The following TLE2 variants were observed in gnomAD, a reference collection of about 807,000 sequenced individuals.
The protein encoded by TLE2 is TLE family member 2, transcriptional corepressor, also known as transducin-like enhancer protein 2.
A neutral mutation model predicts 97.2 loss-of-function variants in TLE2; 74 were observed. The ratio of observed to expected loss-of-function variants is 0.76; its 90% CI spans 0.63 to 0.92. The LOEUF is 0.92. Ranked by LOEUF, TLE2 falls within the 40% of genes least tolerant of loss-of-function variation. The pLI is 0.00. For missense variants in TLE2, 1,038 were observed against 1,008.7 expected (o/e 1.03, Z -0.39); for synonymous variants, 499 against 432.1 (o/e 1.15, Z -1.92).
intron 4 of TLE2, among the ~76,000 whole-genome samples, chr19:3,026,847 A>C (rs1186997204): frequency 1.3e-5 from 2 of 151,880 alleles, no homozygotes; most frequent in African/African-American, 4.8e-5. Context: ...CTATCTCAGA[A>C]CCTTGAGGTC....
chr19:3,016,265 CTATAAT>C (rs1024187453), intron 8 of TLE2, among the ~76,000 whole-genome samples: 1 of 150,034 alleles, frequency 6.7e-6, no homozygotes, highest in Non-Finnish European at 1.5e-5. Flanking sequence ...TCTCTGACAT[CTATAAT>C]TATTTCAAAA....
At position 3,014,627 on chromosome 19, in the gene TLE2, G is replaced by A. The variant is rs928649195; in HGVS notation, c.679-13C>T. The A allele has an allele frequency of 3.8e-6, 6 of 1,589,076 alleles. No individual in the cohort carries two copies. The African/African-American group carries it at 6.8e-5, about 18-fold the overall frequency. ...CTTCGTCGCTTTCCTGGGGGAAGATGGGGGAGAGAGCTCATTGTGGTCATG... is the reference window on the plus strand; with the variant it reads ...CTTCGTCGCTTTCCTGGGGGAAGATAGGGGAGAGAGCTCATTGTGGTCATG... On this transcript the variant is annotated splice_polypyrimidine_tract_variant and intron_variant, in intron 9 of 19. Transcript: ENST00000262953.
chr19:3,014,308 G>C (rs956310908), intron 10 of TLE2, among the ~76,000 whole-genome samples: 1 of 152,146 alleles, frequency 6.6e-6, no homozygotes, highest in Non-Finnish European at 1.5e-5. Context: ...CCATTGAACA[G>C]ATGGGGAAAA....
At chr19:3,001,793 T>TTTCTTTC (rs2089368215) in intron 18 of TLE2, among the ~76,000 whole-genome samples, 3 of 32,378 alleles carry the variant, frequency 9.3e-5, no homozygotes, top group South Asian at 1.5e-3. Flanking sequence ...TTTTCTTTCT[T>TTTCTTTC]TTTTTTTTTT....
In TLE2 at chr19:3,005,709, C is replaced by A. The variant is rs1310451880; in HGVS notation, c.1748+12G>T. ...GGGGCTTGCCCAAGGTCCCAGCGCA[C>A]CTGCCACCCACCTGACCATAGTCTG... is the stretch of plus-strand genomic sequence containing the variant. On this transcript the variant is annotated intron_variant, in intron 16 of 19. Transcript: ENST00000262953. The A allele has an allele frequency of 7.4e-6, 12 of 1,610,988 alleles. No homozygotes were observed. The highest frequency in any genetic ancestry group is 2.7e-5 in the African/African-American group (2 of 74,856).
Position 3,029,116 on chromosome 19 carries a change from C to A in TLE2, c.-212G>T. ...GGGAGCCCCTCCCCGGGTTGGGGTG[C>A]GCGGGGCGAGCGGGGCGGGCAGGGG... On this transcript the variant is annotated 5_prime_UTR_variant, in exon 1 of 20. Coordinates refer to ENST00000262953, the MANE Select transcript of TLE2 (RefSeq NM_003260.5). 1.7e-6 allele frequency: 2 copies of A among 1,159,546 alleles called. No individual in the cohort carries two copies. Among genetic ancestry groups the A allele is most frequent in the African/African-American group, 1.6e-5 (1 of 61,342 alleles). 71.8% of individuals were successfully genotyped at this position (1,159,546 alleles called of 1,614,324 possible).
intron 1 of TLE2, among the ~76,000 whole-genome samples, chr19:3,037,253 C>G (rs2090069622): frequency 6.6e-6 from 1 of 152,200 alleles, no homozygotes; most frequent in Admixed American, 6.5e-5. Context: ...CCACTGCACT[C>G]TAGCCTGGAC....
At chr19:3,021,410 A>G (rs561058612) in intron 5 of TLE2, among the ~76,000 whole-genome samples, 60 of 152,148 alleles carry the variant, frequency 3.9e-4, no homozygotes, top group African/African-American at 6.7e-4. Flanking sequence ...TCTCAAAAAA[A>G]AAAGAAAGAA....
rs2145228170 is a variant in TLE2, at chr19:3,037,506, T to G, written c.63+8220A>C. Reference sequence around the variant, plus strand: ...GCTTTGCTGTGTGGATCTGGGAACATCCCCCAGCTGTGAAGTGTCGGGGAG... The same window carrying G: ...GCTTTGCTGTGTGGATCTGGGAACAGCCCCCAGCTGTGAAGTGTCGGGGAG... On this transcript the variant is annotated intron_variant, in intron 1 of 18. Transcript: ENST00000426948. Among the ~76,000 whole-genome samples, 2 of 151,670 alleles carry G rather than the reference T, an allele frequency of 1.3e-5. 1 individual carries two copies. Among genetic ancestry groups the G allele is most frequent in the East Asian group, 3.9e-4 (2 of 5,120 alleles).
At chr19:2,999,370 T>A (rs1288650007) in intron 19 of TLE2, among the ~76,000 whole-genome samples, 1 of 151,984 alleles carries the variant, frequency 6.6e-6, no homozygotes. Context: ...AGACAGCCAA[T>A]AACAAGTGTT....
In TLE2 at chr19:2,997,836, G is replaced by A. The variant is rs1440746243; in HGVS notation, c.*12C>T. ...GAGTCTGGACTTCGGGTACAGGAAG[G>A]GGGGTCATGTCTCAGTAGACCACCT... On this transcript the variant is annotated 3_prime_UTR_variant, in exon 20 of 20. Coordinates refer to ENST00000262953, the MANE Select transcript of TLE2 (RefSeq NM_003260.5). 3 of 1,585,784 alleles carry A rather than the reference G, an allele frequency of 1.9e-6. No individual in the cohort carries two copies. The highest frequency in any genetic ancestry group is 2.6e-6 in the Non-Finnish European group (3 of 1,160,662).
chr19:3,009,789 T>A, intron 12 of TLE2, 87 bp from the exon 13 acceptor site: 1 of 1,504,854 alleles, frequency 6.6e-7, no homozygotes, highest in Non-Finnish European at 8.9e-7. Context: ...GGCCTTTCAT[T>A]TAGAGTTTCC....
intron 16 of TLE2, 68 bp from the exon 17 acceptor site, chr19:3,005,652 C>T: frequency 1.2e-6 from 2 of 1,606,978 alleles, no homozygotes; most frequent in Non-Finnish European, 1.7e-6. Flanking sequence ...CCAGGTCACA[C>T]TCCTCCACTC....
chr19:2,997,993 G>T (rs1249380077), intron 19 of TLE2, 38 bp from the exon 20 acceptor site: 4 of 1,494,640 alleles, frequency 2.7e-6, no homozygotes, highest in East Asian at 4.6e-5. Flanking sequence ...GCACAGTGAG[G>T]CATGGTCCCC....
chr19:2,999,196 C>T (rs575312920), intron 19 of TLE2, among the ~76,000 whole-genome samples: 117 of 151,882 alleles, frequency 7.7e-4, no homozygotes, highest in Non-Finnish European at 1.2e-3. Context: ...GGAGGAGAAT[C>T]GCTTTAACTC....
At chr19:3,016,260 G>A (rs1033182369) in intron 8 of TLE2, among the ~76,000 whole-genome samples, 1 of 150,204 alleles carries the variant, frequency 6.7e-6, no homozygotes, top group South Asian at 2.2e-4. Context: ...CAACCTCTCT[G>A]ACATCTATAA....
intron 1 of TLE2, among the ~76,000 whole-genome samples, chr19:3,035,069 C>G (rs2090051934): frequency 1.3e-5 from 2 of 152,162 alleles, no homozygotes; most frequent in Non-Finnish European, 2.9e-5. Context: ...TGTGGATTGC[C>G]CGAGAAGCCA....
intron 8 of TLE2, among the ~76,000 whole-genome samples, chr19:3,016,318 A>G (rs921542850): frequency 1.3e-4 from 20 of 150,154 alleles, no homozygotes; most frequent in African/African-American, 4.6e-4. Flanking sequence ...GCTCACGCCT[A>G]TAATCCCAGC....
chr19:3,010,833 C>T (rs1395763706), intron 12 of TLE2, among the ~76,000 whole-genome samples, 189 bp downstream of exon 12: 1 of 152,190 alleles, frequency 6.6e-6, no homozygotes, highest in Non-Finnish European at 1.5e-5. Context: ...CTCAGTTTCC[C>T]TACCCGCCGA....
Sources: allele counts gnomAD v4.1 joint callset (sites outside exome capture counted in the v4.1 genomes callset), GRCh38; gene constraint gnomAD v4.1.1; transcripts MANE v1.5; gene names NCBI Gene and HGNC (gene_info 2026-07-23, HGNC 2026-07-21).